EGF: variants seen among roughly 807,000 people sequenced by gnomAD.
EGF encodes epidermal growth factor, also known as pro-epidermal growth factor.
A neutral mutation model predicts 143.8 loss-of-function variants in EGF; 95 were observed. That is an observed-to-expected ratio of 0.66 (90% CI 0.56 to 0.78). The LOEUF is 0.78. Among genes scored for constraint, EGF ranks in the 30% least tolerant of loss-of-function variants. The pLI, the probability that EGF is intolerant of heterozygous loss-of-function variation, is 0.00. For missense variants in EGF, 1,320 were observed against 1,470.9 expected (o/e 0.90, Z 1.68); for synonymous variants, 510 against 510.5 (o/e 1.00, Z 0.01).
intron 1 of EGF, among the ~76,000 whole-genome samples, chr4:109,927,613 ACT>A (rs1738921451): frequency 6.6e-6 from 1 of 151,578 alleles, no homozygotes; most frequent in Admixed American, 6.6e-5. Flanking sequence ...GGTCCCAGCT[ACT>A]CGGGAGGCTG....
At chr4:110,003,489 T>C (rs1256784485) in intron 21 of EGF, among the ~76,000 whole-genome samples, 1 of 152,198 alleles carries the variant, frequency 6.6e-6, no homozygotes, top group Non-Finnish European at 1.5e-5. Context: ...TGGTACTGTC[T>C]GTGATGCCAG....
chr4:109,935,564 G>T (rs532570646), intron 1 of EGF, among the ~76,000 whole-genome samples: 3 of 152,136 alleles, frequency 2.0e-5, no homozygotes, highest in East Asian at 3.9e-4. Flanking sequence ...TTGCCTGATT[G>T]CCCTGGCCAG....
intron 5 of EGF, 36 bp downstream of exon 5, chr4:109,945,311 A>G (rs1202773417): frequency 1.9e-6 from 3 of 1,597,446 alleles, no homozygotes; most frequent in Middle Eastern, 1.8e-4. Flanking sequence ...GGCCTGACAC[A>G]TAGTTCCCAC....
At chr4:109,965,904 A>G (rs977094915) in intron 10 of EGF, among the ~76,000 whole-genome samples, 8 of 152,114 alleles carry the variant, frequency 5.3e-5, no homozygotes, top group Non-Finnish European at 1.5e-5. Context: ...AAAGAAGAGT[A>G]ACCCATTATT....
chr4:109,933,935 T>G (rs1382738270), intron 1 of EGF, among the ~76,000 whole-genome samples: 1 of 152,146 alleles, frequency 6.6e-6, no homozygotes, highest in African/African-American at 2.4e-5. Context: ...TGGGTATATA[T>G]CCAGTAATGG....
At chr4:109,916,811 G>A (rs1319997498) in intron 1 of EGF, among the ~76,000 whole-genome samples, 4 of 151,890 alleles carry the variant, frequency 2.6e-5, no homozygotes, top group African/African-American at 9.7e-5. Flanking sequence ...GCTTGGTTTC[G>A]CCTATAATCA....
rs190329801 is a variant in EGF, at chr4:109,933,557, C to T, written c.128-7389C>T. Among the ~76,000 whole-genome samples, 893 of 152,052 alleles carry T rather than the reference C, an allele frequency of 5.9e-3. 5 individuals are homozygous for T. The highest frequency in any genetic ancestry group is 0.027 in the Middle Eastern group (8 of 294). On this transcript the variant is annotated intron_variant, in intron 1 of 23. Coordinates refer to ENST00000265171, the MANE Select transcript of EGF (RefSeq NM_001963.6). Reference sequence around the variant, plus strand: ...CGTTTACATTAGGTATTTCTCCCAACGCTATCCCTCCACCAGCCCCCCACC... The same window carrying T: ...CGTTTACATTAGGTATTTCTCCCAATGCTATCCCTCCACCAGCCCCCCACC...
intron 5 of EGF, among the ~76,000 whole-genome samples, chr4:109,947,985 A>G (rs1233103834): frequency 6.6e-6 from 1 of 152,218 alleles, no homozygotes; most frequent in East Asian, 1.9e-4. Context: ...TCAATCTCTC[A>G]GTTTAGTATT....
At chr4:109,972,687 A>C (rs567770129) in intron 11 of EGF, among the ~76,000 whole-genome samples, 4 of 152,330 alleles carry the variant, frequency 2.6e-5, no homozygotes, top group African/African-American at 9.6e-5. Flanking sequence ...AATGGTTTCA[A>C]ATTCTCCACT....
intron 7 of EGF, among the ~76,000 whole-genome samples, chr4:109,961,346 TG>T: frequency 6.6e-6 from 1 of 152,212 alleles, no homozygotes; most frequent in East Asian, 1.9e-4. Flanking sequence ...AGTGAGACCC[TG>T]TCTCAAAAAG....
At chr4:109,999,542 T>C in intron 20 of EGF, 137 bp from the exon 21 acceptor site, 1 of 1,094,636 alleles carries the variant, frequency 9.1e-7, no homozygotes. Context: ...AACTGACCCC[T>C]GATGGATTTT....
intron 10 of EGF, among the ~76,000 whole-genome samples, chr4:109,966,787 G>A (rs1312803954): frequency 1.3e-5 from 2 of 152,028 alleles, no homozygotes; most frequent in African/African-American, 4.8e-5. Context: ...TTTCTCTGAT[G>A]ACTAGTGATG....
At chr4:109,915,565 C>T (rs1736493404) in intron 1 of EGF, among the ~76,000 whole-genome samples, 2 of 152,202 alleles carry the variant, frequency 1.3e-5, no homozygotes, top group South Asian at 4.1e-4. Flanking sequence ...TGGTTTAAAT[C>T]CCGTACTTTA....
Position 109,961,320 on chromosome 4 carries a change from C to A in EGF, c.1189+331C>A, listed in dbSNP as rs4698801. Among the ~76,000 whole-genome samples, 58,812 of 151,756 alleles carry A rather than the reference C, an allele frequency of 0.39. 11,742 individuals are homozygous for A. Among genetic ancestry groups the A allele is most frequent in the East Asian group, 0.5 (2,573 of 5,136 alleles). On this transcript the variant is annotated intron_variant, in intron 7 of 23. Coordinates refer to ENST00000265171, the MANE Select transcript of EGF (RefSeq NM_001963.6). ...CAGTGAGCCGAAATCAAGCCACTGC[C>A]CTTCCTGGGTGATGGAGTGAGACCC...
intron 9 of EGF, 55 bp from the exon 10 acceptor site, chr4:109,964,346 T>C: frequency 6.2e-7 from 1 of 1,612,196 alleles, no homozygotes; most frequent in Admixed American, 1.7e-5. Context: ...CAGAGATGCC[T>C]CTTAGTTTCT....
rs10530188 is a variant in EGF at position 109,968,673 on chromosome 4, C to CATCTATCTATCTATCTATCT, written c.1576-280_1576-261dup. 0.031 allele frequency: 10,823 copies of CATCTATCTATCTATCTATCT among 351,032 alleles called. 168 individuals carry two copies. The highest frequency in any genetic ancestry group is 0.036 in the African/African-American group (1,574 of 44,280). 21.7% of individuals were successfully genotyped at this position (351,032 alleles called of 1,614,324 possible). A position where few individuals can be genotyped will look rare whatever the true frequency, so the allele number is the denominator to read the frequency against. On this transcript the variant is annotated intron_variant, in intron 10 of 23. Transcript: ENST00000265171. Reference sequence around the variant, plus strand: ...ATATATGTATATTTATATCTATATACATCTATCTATCTATCTATCTATCTA... The same window carrying CATCTATCTATCTATCTATCT: ...ATATATGTATATTTATATCTATATACATCTATCTATCTATCTATCTATCTATCTATCTATCTATCTATCTA...
chr4:109,916,340 T>C (rs578047909), intron 1 of EGF, among the ~76,000 whole-genome samples: 5 of 152,140 alleles, frequency 3.3e-5, no homozygotes, highest in Non-Finnish European at 5.9e-5. Flanking sequence ...CTCCAAATAT[T>C]CAGTGGTGTT....
chr4:109,950,312 C>A (rs1743656823), intron 5 of EGF, among the ~76,000 whole-genome samples: 1 of 152,172 alleles, frequency 6.6e-6, no homozygotes, highest in Admixed American at 6.5e-5. Context: ...AAAGCGGAAA[C>A]CGAGGAGTTG....
At chr4:109,945,437 A>G (rs1375218491) in intron 5 of EGF, among the ~76,000 whole-genome samples, 162 bp downstream of exon 5, 1 of 152,080 alleles carries the variant, frequency 6.6e-6, no homozygotes, top group Non-Finnish European at 1.5e-5. Flanking sequence ...CAGATTAACA[A>G]GAAAAAAACA....
Sources: allele counts gnomAD v4.1 joint callset (sites outside exome capture counted in the v4.1 genomes callset), GRCh38; gene constraint gnomAD v4.1.1; transcripts MANE v1.5; gene names NCBI Gene and HGNC (gene_info 2026-07-23, HGNC 2026-07-21).